Variants in PRIM1 observed in about 807,000 individuals in gnomAD.
PRIM1 encodes DNA primase small subunit.
A neutral mutation model predicts 60.2 loss-of-function variants in PRIM1; 38 were observed. The observed-to-expected ratio is 0.63, with a 90% CI of 0.49 to 0.83. PRIM1 has a LOEUF of 0.83. Among genes scored for constraint, PRIM1 ranks in the 40% least tolerant of loss-of-function variants. The probability of loss-of-function intolerance (pLI) is 0.00; values close to 1 mark genes in which losing one functional copy is unlikely to be tolerated. For synonymous variants in PRIM1, 158 were observed against 160.2 expected, an observed-to-expected ratio of 0.99 and a Z score of 0.10; for missense variants, 388 against 506.2, an observed-to-expected ratio of 0.77 and a Z score of 2.24.
chr12:56,740,660 C>G (rs573106139), intron 9 of PRIM1, among the ~76,000 whole-genome samples: 49 of 152,196 alleles, frequency 3.2e-4, no homozygotes, highest in African/African-American at 1.1e-3. Flanking sequence ...GTACCAGCTA[C>G]TCAGGAGGGT....
At chr12:56,741,611 T>C (rs528335225) in intron 8 of PRIM1, 35 bp from the exon 9 acceptor site, 8 of 1,597,204 alleles carry the variant, frequency 5.0e-6, no homozygotes, top group African/African-American at 4.1e-5. Context: ...TGAGGATCAG[T>C]AGGAACTGTT....
Position 56,752,290 on chromosome 12 carries a change from C to A in PRIM1, c.9G>T (p.Thr3=). ...GCTCGGGCAGCTCGGTGGGGTCAAA[C>A]GTCTCCATTGAGCGCGGAACTCGCC... ME[T]FDPTELPELL... The change falls in exon 1 of 13, where the codon ACG becomes ACT. Residue 3 remains threonine (T), a synonymous_variant. Coordinates refer to ENST00000338193, the MANE Select transcript of PRIM1 (RefSeq NM_000946.3). 1 of 1,580,654 alleles carries A rather than the reference C, an allele frequency of 6.3e-7. No homozygotes were observed.
At chr12:56,734,336 G>C (rs1953807307) in intron 11 of PRIM1, 91 bp from the exon 12 acceptor site, 2 of 735,296 alleles carry the variant, frequency 2.7e-6, no homozygotes, top group Admixed American at 5.8e-5. Context: ...AATTCTCTAG[G>C]GCTGCCCAAT....
rs572850414 is a variant in PRIM1, at chr12:56,736,265, A to G, written c.1145-2020T>C. Among the ~76,000 whole-genome samples the G allele has an allele frequency of 9.9e-4, 125 of 126,378 alleles. 1 individual carries two copies. Among genetic ancestry groups the G allele is most frequent in the Non-Finnish European group, 1.6e-3 (101 of 62,806 alleles). 82.9% of individuals were successfully genotyped at this position (126,378 alleles called of 152,430 possible). A position where few individuals can be genotyped will look rare whatever the true frequency, so the allele number is the denominator to read the frequency against. ...ATGAGCTGAGATTGCACCATTGCAC[A>G]CCAGCCTGGGTGACAGAGTAAGACT... On this transcript the variant is annotated intron_variant, in intron 11 of 12. Coordinates refer to ENST00000338193, the MANE Select transcript of PRIM1 (RefSeq NM_000946.3).
chr12:56,739,370 GAC>G lies in PRIM1; in HGVS notation c.983-9_983-8del. The G allele has an allele frequency of 1.3e-6, 2 of 1,538,594 alleles. No homozygotes were observed. Among genetic ancestry groups the G allele is most frequent in the Non-Finnish European group, 1.8e-6 (2 of 1,128,446 alleles). On this transcript the variant is annotated splice_region_variant and splice_polypyrimidine_tract_variant and intron_variant, in intron 9 of 12. Transcript: ENST00000338193. ...ATAGGCACAGATATGCGACCTGTAA[GAC>G]ACAAAAGTTATAAACTGATGATTGT...
chr12:56,734,566 A>AT (rs751462193), intron 11 of PRIM1, among the ~76,000 whole-genome samples: 283 of 132,200 alleles, frequency 2.1e-3, no homozygotes, highest in African/African-American at 4.4e-3. Context: ...TGCCCAACCA[A>AT]TTTTTTTTTT....
chr12:56,735,463 C>A (rs1457695371), intron 11 of PRIM1, among the ~76,000 whole-genome samples: 1 of 152,076 alleles, frequency 6.6e-6, no homozygotes, highest in Non-Finnish European at 1.5e-5. Flanking sequence ...GGTGCAATTG[C>A]AGCTCACTGC....
At chr12:56,735,652 CTTG>C (rs1953821985) in intron 11 of PRIM1, among the ~76,000 whole-genome samples, 2 of 150,664 alleles carry the variant, frequency 1.3e-5, no homozygotes, top group Admixed American at 6.6e-5. Context: ...ATTGAGTATT[CTTG>C]TTTTTTTTTT....
chr12:56,749,928 G>C (rs528815062), intron 2 of PRIM1, among the ~76,000 whole-genome samples: 40 of 152,302 alleles, frequency 2.6e-4, no homozygotes, highest in African/African-American at 9.4e-4. Context: ...CTCTTGCCAG[G>C]CACTCTTCTA....
At chr12:56,738,376 G>A in intron 11 of PRIM1, 58 bp downstream of exon 11, 1 of 1,528,322 alleles carries the variant, frequency 6.5e-7, no homozygotes. Context: ...TGGAGTGACA[G>A]ATGGATATCT....
chr12:56,738,303 A>G, intron 11 of PRIM1, 131 bp downstream of exon 11: 1 of 1,287,334 alleles, frequency 7.8e-7, no homozygotes, highest in Non-Finnish European at 1.0e-6. Flanking sequence ...AAAGGACACA[A>G]ACATTGTATG....
At chr12:56,734,099 C>T (rs1385803759) in intron 12 of PRIM1, 48 bp downstream of exon 12, 17 of 1,341,010 alleles carry the variant, frequency 1.3e-5, no homozygotes, top group Non-Finnish European at 1.7e-5. Context: ...CTCATTTCTA[C>T]TAATAATAAG....
chr12:56,744,889 C>T (rs926547121), intron 5 of PRIM1, among the ~76,000 whole-genome samples: 17 of 151,978 alleles, frequency 1.1e-4, no homozygotes, highest in Admixed American at 3.3e-4. Context: ...GTCAGGAGTT[C>T]GAGACCAGCC....
At chr12:56,750,942 A>G (rs1442899043) in intron 2 of PRIM1, 96 bp downstream of exon 2, 4 of 877,282 alleles carry the variant, frequency 4.6e-6, no homozygotes, top group Non-Finnish European at 1.6e-6. Flanking sequence ...CATCTAGAAT[A>G]AACTCTAAAA....
intron 11 of PRIM1, among the ~76,000 whole-genome samples, chr12:56,737,827 C>T (rs1953844152): frequency 2.0e-5 from 3 of 152,098 alleles, no homozygotes; most frequent in South Asian, 2.1e-4. Flanking sequence ...TGGGTTCAAG[C>T]GATTCTCCTG....
At chr12:56,740,024 C>G (rs1243282780) in intron 9 of PRIM1, among the ~76,000 whole-genome samples, 5 of 151,906 alleles carry the variant, frequency 3.3e-5, no homozygotes, top group Non-Finnish European at 7.4e-5. Flanking sequence ...GTAATCCCAG[C>G]TACTTGGGAG....
At chr12:56,738,603 G>C in intron 10 of PRIM1, 78 bp from the exon 11 acceptor site, 1 of 1,448,360 alleles carries the variant, frequency 6.9e-7, no homozygotes. Context: ...CCAGGCCGGA[G>C]TGTGGTGGTG....
intron 12 of PRIM1, 61 bp from the exon 13 acceptor site, chr12:56,731,795 C>T (rs2137854660): frequency 7.6e-7 from 1 of 1,318,814 alleles, no homozygotes; most frequent in Non-Finnish European, 1.0e-6. Flanking sequence ...AGCCCATTTA[C>T]TTTTACATTC....
chr12:56,752,124 T>C, intron 1 of PRIM1, 72 bp downstream of exon 1: 1 of 1,145,866 alleles, frequency 8.7e-7, no homozygotes, highest in Admixed American at 2.2e-5. Context: ...CGCTTCATAT[T>C]GTCATTCTAA....
Sources: allele counts gnomAD v4.1 joint callset (sites outside exome capture counted in the v4.1 genomes callset), GRCh38; gene constraint gnomAD v4.1.1; transcripts MANE v1.5; gene names NCBI Gene and HGNC (gene_info 2026-07-23, HGNC 2026-07-21).